The following CADM2 variants were observed in gnomAD, a reference collection of about 807,000 sequenced individuals.
CADM2 encodes the protein immunoglobulin superfamily member 4D.
CADM2 carries 12 observed loss-of-function variants against 49.8 expected under a neutral mutation model. The observed-to-expected ratio is 0.24, with a 90% CI of 0.15 to 0.39. The LOEUF (loss-of-function observed/expected upper bound fraction) is 0.39, where lower values mean the gene tolerates loss of function less well. Among genes scored for constraint, CADM2 ranks in the 10% least tolerant of loss-of-function variants. The pLI is 1.00. For missense variants in CADM2, 378 were observed against 492.3 expected, an observed-to-expected ratio of 0.77 and a Z score of 2.20; for synonymous variants, 214 against 175.4, an observed-to-expected ratio of 1.22 and a Z score of -1.74.
intron 1 of CADM2, among the ~76,000 whole-genome samples, chr3:85,013,502 T>TGTAA (rs2034095603): frequency 6.6e-6 from 1 of 151,914 alleles, no homozygotes; most frequent in Non-Finnish European, 1.5e-5. Context: ...GGTAAGGGGT[T>TGTAA]GTAAGCACTT....
intron 6 of CADM2, among the ~76,000 whole-genome samples, chr3:85,926,953 T>C (rs536808791): frequency 3.9e-5 from 6 of 152,226 alleles, no homozygotes; most frequent in African/African-American, 1.4e-4. Context: ...CACAAACTCA[T>C]TGAAATGTGA....
intron 8 of CADM2, chr3:86,012,421 TCTCGCCCGCCCGCCC>T (rs1731623271): frequency 7.4e-6 from 3 of 408,122 alleles, no homozygotes; most frequent in Non-Finnish European, 1.3e-5. Context: ...AAGTTGGGCT[TCTCGCCCGCCCGCCC>T]CTCGCCCGCG....
At chr3:85,629,855 T>C (rs925721795) in intron 1 of CADM2, among the ~76,000 whole-genome samples, 6 of 152,012 alleles carry the variant, frequency 3.9e-5, no homozygotes, top group African/African-American at 1.2e-4. Context: ...TACTCTGTTT[T>C]CTTAAACTTC....
intron 1 of CADM2, among the ~76,000 whole-genome samples, chr3:85,681,921 GTAGA>G (rs2066049960): frequency 1.3e-5 from 2 of 152,186 alleles, no homozygotes; most frequent in East Asian, 1.9e-4. Context: ...TGTTTTGGAG[GTAGA>G]TAAATGTGCT....
chr3:85,552,408 T>G (rs2061834696), intron 1 of CADM2, among the ~76,000 whole-genome samples: 1 of 144,680 alleles, frequency 6.9e-6, no homozygotes, highest in Non-Finnish European at 1.5e-5. Flanking sequence ...AGACGTAGGT[T>G]TTGCTCTTGT....
intron 1 of CADM2, among the ~76,000 whole-genome samples, chr3:85,568,473 C>CTCTCTCTTTCTT (rs1310030589): frequency 5.1e-4 from 14 of 27,618 alleles, no homozygotes; most frequent in African/African-American, 1.1e-3. Flanking sequence ...CTCTTTCTCT[C>CTCTCTCTTTCTT]TCTTTCTTTC....
At chr3:85,767,240 C>A (rs943887505) in intron 2 of CADM2, among the ~76,000 whole-genome samples, 2 of 152,226 alleles carry the variant, frequency 1.3e-5, no homozygotes, top group East Asian at 1.9e-4. Flanking sequence ...GCACACCTAA[C>A]CTCTTAATGG....
At chr3:84,997,701 T>C (rs1327537066) in intron 1 of CADM2, among the ~76,000 whole-genome samples, 1 of 151,982 alleles carries the variant, frequency 6.6e-6, no homozygotes, top group African/African-American at 2.4e-5. Context: ...GTTTTATATA[T>C]GAATATCAAA....
intron 1 of CADM2, among the ~76,000 whole-genome samples, chr3:85,016,517 G>C (rs985277388): frequency 1.3e-5 from 2 of 152,134 alleles, no homozygotes; most frequent in Non-Finnish European, 2.9e-5. Flanking sequence ...TTGGTGCTGG[G>C]TGTGGTGGCT....
intron 1 of CADM2, among the ~76,000 whole-genome samples, chr3:85,540,789 C>G (rs899454715): frequency 6.6e-6 from 1 of 152,096 alleles, no homozygotes; most frequent in Non-Finnish European, 1.5e-5. Flanking sequence ...TTCTATAGTT[C>G]TGGAGGCTGG....
intron 2 of CADM2, among the ~76,000 whole-genome samples, chr3:85,789,375 A>G (rs2071193330): frequency 6.6e-6 from 1 of 152,208 alleles, no homozygotes; most frequent in South Asian, 2.1e-4. Flanking sequence ...CCTGAAAATA[A>G]TATTCTAGAA....
chr3:85,745,691 C>A (rs994952890), intron 2 of CADM2, among the ~76,000 whole-genome samples: 1 of 152,102 alleles, frequency 6.6e-6, no homozygotes, highest in South Asian at 2.1e-4. Context: ...CATTGCGATA[C>A]CCCATCTCTA....
At chr3:84,959,761 TC>T (rs2030270129) in intron 1 of CADM2, 93 bp downstream of exon 1, 1 of 1,222,412 alleles carries the variant, frequency 8.2e-7, no homozygotes, top group South Asian at 1.3e-5. Context: ...CCTCCCAGTC[TC>T]CCTGTCCCCA....
chr3:85,638,086 G>T (rs1345123041), intron 1 of CADM2, among the ~76,000 whole-genome samples: 4 of 152,134 alleles, frequency 2.6e-5, no homozygotes, highest in African/African-American at 9.7e-5. Context: ...CATCAGCATA[G>T]TTCAGTAAAT....
chr3:85,665,111 G>A (rs1577046235), intron 1 of CADM2, among the ~76,000 whole-genome samples: 1 of 151,694 alleles, frequency 6.6e-6, no homozygotes. Context: ...TTATTTAAAC[G>A]GTCTGTTTCA....
At chr3:85,521,099 A>T (rs2061017680) in intron 1 of CADM2, among the ~76,000 whole-genome samples, 1 of 152,132 alleles carries the variant, frequency 6.6e-6, no homozygotes, top group African/African-American at 2.4e-5. Context: ...ATTCGTCTTC[A>T]GCAAAGTAAA....
At position 85,986,019 on chromosome 3, in the gene CADM2, G is replaced by C. The variant is rs1490437325; in HGVS notation, c.970+24372G>C. ...TGACTTCAAAATAAAATAAGCTAAA[G>C]CAAACACCACATGACATATGTGCAC... On this transcript the variant is annotated intron_variant, in intron 8 of 9. Coordinates refer to ENST00000383699, the MANE Select transcript of CADM2 (RefSeq NM_001167675.2). Among the ~76,000 whole-genome samples, 3 of 152,074 alleles carry C rather than the reference G, an allele frequency of 2.0e-5. No individual in the cohort carries two copies. The East Asian group carries it at 5.8e-4, about 29-fold the overall frequency.
At chr3:85,221,980 T>TA (rs1287604846) in intron 1 of CADM2, among the ~76,000 whole-genome samples, 1 of 152,140 alleles carries the variant, frequency 6.6e-6, no homozygotes, top group South Asian at 2.1e-4. Flanking sequence ...GGGAAATCGA[T>TA]ATTTTATCAC....
intron 1 of CADM2, among the ~76,000 whole-genome samples, chr3:85,097,099 T>C (rs923360638): frequency 1.3e-5 from 2 of 152,160 alleles, no homozygotes; most frequent in African/African-American, 2.4e-5. Context: ...GCTGCACCCA[T>C]TAACTGGTCA....
Sources: gnomAD v4.1 joint callset for allele counts (sites outside exome capture counted in the v4.1 genomes callset) on GRCh38, gnomAD v4.1.1 for gene constraint, MANE v1.5 for transcripts, NCBI Gene and HGNC (gene_info 2026-07-23, HGNC 2026-07-21) for gene names.